UBN2: variants seen among roughly 807,000 people sequenced by gnomAD.
UBN2 encodes ubinuclein 2, also known as ubinuclein-2.
Under a neutral mutation model 120.2 loss-of-function variants are expected in UBN2, and 35 were observed. The observed-to-expected ratio is 0.29, with a 90% confidence interval of 0.22 to 0.39. UBN2 has a LOEUF of 0.39. UBN2 is among the 10% of genes least tolerant of loss of function. The probability of loss-of-function intolerance (pLI) is 1.00; values close to 1 mark genes in which losing one functional copy is unlikely to be tolerated. For synonymous variants in UBN2, 661 were observed against 648.7 expected (o/e 1.02, Z -0.29); for missense variants, 1,693 against 1,663.2 (o/e 1.02, Z -0.31).
the UBN2 span, among the ~76,000 whole-genome samples, chr7:139,322,380 A>G: frequency 5.9e-5 from 9 of 152,248 alleles, no homozygotes; most frequent in Non-Finnish European, 1.2e-4. Flanking sequence ...GGCCTAGGAA[A>G]GAACGTATCA....
the UBN2 span, among the ~76,000 whole-genome samples, chr7:139,317,901 G>A: frequency 6.6e-6 from 1 of 152,158 alleles, no homozygotes; most frequent in African/African-American, 2.4e-5. Context: ...GACCTCAGGT[G>A]ACCCACCCGC....
At chr7:139,269,715 T>C (rs943964043) in intron 8 of UBN2, among the ~76,000 whole-genome samples, 192 bp downstream of exon 8, 7 of 152,232 alleles carry the variant, frequency 4.6e-5, no homozygotes, top group Admixed American at 1.3e-4. Context: ...TAAGTTTAGA[T>C]GAGAAATGTT....
intron 6 of UBN2, among the ~76,000 whole-genome samples, chr7:139,263,647 G>A (rs939590971): frequency 5.3e-5 from 8 of 151,642 alleles, no homozygotes; most frequent in South Asian, 2.1e-4. Flanking sequence ...GGTGGCAGGC[G>A]CCTGTAATCC....
In UBN2 at chr7:139,231,745, G is replaced by A; in HGVS notation, c.261G>A (p.Gln87=). The change falls in exon 1 of 18, where the codon CAG becomes CAA. Residue 87 remains glutamine (Q), a synonymous_variant. Coordinates refer to ENST00000473989, the MANE Select transcript of UBN2 (RefSeq NM_173569.4). ...VSRAEPPMSL[Q]REPPRPEPPP... ...GCGCCGAGCCGCCCATGTCGCTGCAGCGGGAGCCCCCGCGGCCCGAGCCGC... is the reference window on the plus strand; with the variant it reads ...GCGCCGAGCCGCCCATGTCGCTGCAACGGGAGCCCCCGCGGCCCGAGCCGC... 1 of 1,210,900 alleles carries A rather than the reference G, an allele frequency of 8.3e-7. No individual in the cohort carries two copies. The highest frequency in any genetic ancestry group is 1.0e-6 in the Non-Finnish European group (1 of 978,922). The allele number at this position is 1,210,900 out of a possible 1,614,324, so 75.0% of individuals were successfully genotyped here. A position where few individuals can be genotyped will look rare whatever the true frequency, so the allele number is the denominator to read the frequency against.
At chr7:139,241,280 G>C (rs905554433) in intron 2 of UBN2, among the ~76,000 whole-genome samples, 12 of 152,038 alleles carry the variant, frequency 7.9e-5, no homozygotes, top group Non-Finnish European at 2.9e-5. Context: ...TCCTAGAATT[G>C]GATATAAATT....
At position 139,283,995 on chromosome 7, in the gene UBN2, C is replaced by G; in HGVS notation, c.3090C>G (p.Pro1030=). ...SQISTQGFKS[P]FSMAASPKLA... ...TCTCCACGCAGGGTTTCAAATCTCC[C>G]TTCTCGATGGCTGCCTCCCCAAAAC... Residue 1030 remains proline (P), a synonymous_variant, in exon 15 of 18, where the codon CCC becomes CCG. Transcript: ENST00000473989. 1 of 1,614,166 alleles carries G rather than the reference C, an allele frequency of 6.2e-7. No individual in the cohort carries two copies. Among genetic ancestry groups the G allele is most frequent in the South Asian group, 1.1e-5 (1 of 91,066 alleles).
chr7:139,261,147 C>T (rs1796918617), intron 5 of UBN2, 105 bp from the exon 6 acceptor site: 2 of 1,321,706 alleles, frequency 1.5e-6, no homozygotes, highest in Non-Finnish European at 2.1e-6. Flanking sequence ...GAAAACTGCT[C>T]TGTCACCTGT....
At chr7:139,252,874 T>G (rs781559125) in intron 3 of UBN2, among the ~76,000 whole-genome samples, 2 of 152,202 alleles carry the variant, frequency 1.3e-5, no homozygotes, top group African/African-American at 4.8e-5. Flanking sequence ...ATTAGTACAC[T>G]TGTCTTAACT....
At chr7:139,247,220 C>G (rs1796495831) in intron 2 of UBN2, among the ~76,000 whole-genome samples, 1 of 151,912 alleles carries the variant, frequency 6.6e-6, no homozygotes, top group African/African-American at 2.4e-5. Context: ...TGCATTCCTG[C>G]TAGTGATGAA....
At chr7:139,281,984 C>T in intron 13 of UBN2, 21 bp from the exon 14 acceptor site, 2 of 1,611,222 alleles carry the variant, frequency 1.2e-6, no homozygotes, top group South Asian at 1.1e-5. Context: ...TTCTTAACAG[C>T]TTGCTTATGT....
At chr7:139,327,212 C>A in the UBN2 span, among the ~76,000 whole-genome samples, 3 of 151,948 alleles carry the variant, frequency 2.0e-5, no homozygotes. Context: ...TTTGTATTTT[C>A]AGTAGAGACA....
rs1796928101 is a variant in UBN2 at position 139,261,378 on chromosome 7, C to T, written c.1032C>T (p.Pro344=). The T allele has an allele frequency of 1.2e-6, 2 of 1,614,062 alleles. No individual in the cohort carries two copies. The highest frequency in any genetic ancestry group is 2.2e-5 in the South Asian group (2 of 91,080). ...ATGCATTAAAGAAGGAGTCTAACCC[C>T]AAAGTCCCAGTGACCTTGTCAACCC... ...EKDALKKESN[P]KVPVTLSTPS... is the part of the protein sequence containing the mutation. Residue 344 remains proline, a synonymous_variant, in exon 6 of 18, where the codon CCC becomes CCT. Coordinates refer to ENST00000473989, the MANE Select transcript of UBN2 (RefSeq NM_173569.4).
chr7:139,295,398 A>G (rs919956058), intron 17 of UBN2, among the ~76,000 whole-genome samples: 1 of 152,140 alleles, frequency 6.6e-6, no homozygotes, highest in Admixed American at 6.5e-5. Flanking sequence ...CTGGGTGTAG[A>G]CAGCTGCTTG....
intron 6 of UBN2, among the ~76,000 whole-genome samples, chr7:139,264,090 T>A (rs1462393344): frequency 6.6e-6 from 1 of 152,220 alleles, no homozygotes. Flanking sequence ...CTAAAAATAG[T>A]ACTAATTTAT....
intron 1 of UBN2, among the ~76,000 whole-genome samples, chr7:139,234,927 T>G (rs1310625019): frequency 1.3e-5 from 2 of 152,286 alleles, no homozygotes; most frequent in Admixed American, 6.5e-5. Flanking sequence ...CAGTTTTGCA[T>G]GTGGGTAGTT....
chr7:139,294,109 C>T lies in UBN2; in HGVS notation c.3994+128C>T, dbSNP rs1204145584. On this transcript the variant is annotated intron_variant, in intron 17 of 17. Coordinates refer to ENST00000473989, the MANE Select transcript of UBN2 (RefSeq NM_173569.4). ...AATGCAAATTTTCATAGACTGAATCCTCATTCCTCATTAGCAACAGATTCC... is the reference window on the plus strand; with the variant it reads ...AATGCAAATTTTCATAGACTGAATCTTCATTCCTCATTAGCAACAGATTCC... 3 of 799,094 alleles carry T rather than the reference C, an allele frequency of 3.8e-6. No individual in the cohort carries two copies. In the Admixed American group the frequency reaches 6.8e-5, roughly 18 times the overall value. 49.5% of individuals were successfully genotyped at this position (799,094 alleles called of 1,614,324 possible).
intron 2 of UBN2, among the ~76,000 whole-genome samples, chr7:139,245,900 G>GT (rs1346487905): frequency 6.6e-6 from 1 of 152,148 alleles, no homozygotes; most frequent in African/African-American, 2.4e-5. Flanking sequence ...TTGGAAAATT[G>GT]TAAGAAAAAA....
chr7:139,257,584 G>T (rs979177285), intron 3 of UBN2, among the ~76,000 whole-genome samples: 2 of 151,734 alleles, frequency 1.3e-5, no homozygotes, highest in South Asian at 2.1e-4. Flanking sequence ...CTAATTTTTT[G>T]TGTGTGTATT....
intron 8 of UBN2, among the ~76,000 whole-genome samples, 185 bp from the exon 9 acceptor site, chr7:139,272,137 T>G (rs1205216133): frequency 6.6e-6 from 1 of 152,206 alleles, no homozygotes; most frequent in Non-Finnish European, 1.5e-5. Context: ...AATATGTCAT[T>G]CTAATTTTGT....
Sources: gnomAD v4.1 joint callset for allele counts (sites outside exome capture counted in the v4.1 genomes callset) on GRCh38, gnomAD v4.1.1 for gene constraint, MANE v1.5 for transcripts, NCBI Gene and HGNC (gene_info 2026-07-23, HGNC 2026-07-21) for gene names.